The following CBX6 variants were observed in gnomAD, a reference collection of about 807,000 sequenced individuals.
The protein encoded by CBX6 is chromobox 6, also known as chromobox protein homolog 6.
In CBX6, 7 loss-of-function variants were observed where a neutral mutation model predicts 28.4. The ratio of observed to expected loss-of-function variants is 0.25; its 90% CI spans 0.14 to 0.46. CBX6 has a LOEUF of 0.46. Ranked by LOEUF, CBX6 falls within the 20% of genes least tolerant of loss-of-function variation. CBX6 has a pLI of 0.99. For synonymous variants in CBX6, 297 were observed against 273.4 expected (o/e 1.09, Z -0.85); for missense variants, 512 against 606.1 (o/e 0.84, Z 1.63).
At position 38,866,874 on chromosome 22, in the gene CBX6, G is replaced by T; in HGVS notation, c.574C>A (p.Gln192Lys). The T allele has an allele frequency of 6.2e-7, 1 of 1,600,546 alleles. No homozygotes were observed. Among genetic ancestry groups the T allele is most frequent in the South Asian group, 1.1e-5 (1 of 89,800 alleles). ...GGGCGGGCCAGCGCCCCGGCCCCCT[G>T]CCCGGCGCCCCCGCCGCCAGCGCCC... is the stretch of plus-strand genomic sequence containing the variant. ...DKGAGGGGAG[Q>K]GAGALARPKV... The change falls in exon 5 of 5, where the codon CAG becomes AAG. Residue 192 changes from glutamine (Q) to lysine (K), a missense_variant. By Grantham distance (53) the Gln-to-Lys change is moderately conservative. Around this residue, in one of 7 missense-constraint regions of CBX6, gnomAD observed 290 missense variants for 274.1 expected, o/e 1.06. Transcript: ENST00000407418. The surrounding 1 kb of genome is among the most constrained non-coding windows in gnomAD (Gnocchi z 7.5).
At position 38,870,996 on chromosome 22, in the gene CBX6, G is replaced by A. The variant is rs2093180652; in HGVS notation, c.246+484C>T. ...AAATTCAAGTTGGATCCCCAAGAAA[G>A]GAGGGGAGCCATGAAGAACAAATCC... On this transcript the variant is annotated intron_variant, in intron 4 of 4. Transcript: ENST00000407418. This position sits in a 1 kb window ranked among gnomAD's most constrained non-coding sequence, Gnocchi z 4.3. 6.3e-6 allele frequency: 1 copy of A among 159,688 alleles called. No individual in the cohort carries two copies. The highest frequency in any genetic ancestry group is 2.4e-5 in the African/African-American group (1 of 41,616). 9.9% of individuals were successfully genotyped at this position (159,688 alleles called of 1,614,324 possible). A position where few individuals can be genotyped will look rare whatever the true frequency, so the allele number is the denominator to read the frequency against.
In CBX6 at chr22:38,867,185, T is replaced by C. The variant is rs982574884; in HGVS notation, c.263A>G (p.Glu88Gly). ...ATGCACATCACTGATGCGGAGGGCC[T>C]CGGCCTGGGCCCGCGCCTGCGGGCA... is the stretch of plus-strand genomic sequence containing the variant. Reference protein sequence around the residue: ...TFLLKARAQAEALRISDVHFS... With the variant: ...TFLLKARAQAGALRISDVHFS... The change falls in exon 5 of 5, where the codon GAG becomes GGG. Residue 88 changes from glutamate (E) to glycine (G), a missense_variant. Transcript: ENST00000407418. 1.8e-6 allele frequency: 2 copies of C among 1,116,756 alleles called. No individual in the cohort carries two copies. The allele number at this position is 1,116,756 out of a possible 1,614,324, so 69.2% of individuals were successfully genotyped here.
rs2093166199 is a variant in CBX6 at position 38,864,991 on chromosome 22, G to A, written c.*1218C>T. 1 of 152,340 alleles carries A rather than the reference G, an allele frequency of 6.6e-6. No individual in the cohort carries two copies. Among genetic ancestry groups the A allele is most frequent in the African/African-American group, 2.4e-5 (1 of 41,480 alleles). 9.4% of individuals were successfully genotyped at this position (152,340 alleles called of 1,614,324 possible). A position where few individuals can be genotyped will look rare whatever the true frequency, so the allele number is the denominator to read the frequency against. On this transcript the variant is annotated 3_prime_UTR_variant, in exon 5 of 5. Coordinates refer to ENST00000407418, the MANE Select transcript of CBX6 (RefSeq NM_014292.5). Reference sequence around the variant, plus strand: ...TCCCAGGCAGCAGAGGGAAACAGAAGCTGCCCAGGACACGGGAGCCTCCTT... The same window carrying A: ...TCCCAGGCAGCAGAGGGAAACAGAAACTGCCCAGGACACGGGAGCCTCCTT...
rs2093162506 is a variant in CBX6, at chr22:38,863,548, C to G, written c.*2661G>C. On this transcript the variant is annotated 3_prime_UTR_variant, in exon 5 of 5. Transcript: ENST00000407418. ...GAGGGGAGGAAGGAGGCTCCACTCA[C>G]CCTCGGTCCCATCCACTCGGGCCCC... 1 of 152,118 alleles carries G rather than the reference C, an allele frequency of 6.6e-6. No individual in the cohort carries two copies. Among genetic ancestry groups the G allele is most frequent in the Non-Finnish European group, 1.5e-5 (1 of 68,104 alleles). 9.4% of individuals were successfully genotyped at this position (152,118 alleles called of 1,614,324 possible).
chr22:38,867,228 G>GGGGGCC, intron 4 of CBX6, 27 bp from the exon 5 acceptor site: 6 of 518,854 alleles, frequency 1.2e-5, no homozygotes, highest in Non-Finnish European at 1.4e-5. Flanking sequence ...GGGTGGGTGG[G>GGGGGCC]ACCTCAGGAC....
rs2093183566 is a variant in CBX6 at position 38,872,037 on chromosome 22, G to A, written c.69+85C>T. ...GGCGCGGGGCTGGGCGAGGGAGCCGGGCTAGCGGGACCGCTTCGCCCCGAG... is the reference window on the plus strand; with the variant it reads ...GGCGCGGGGCTGGGCGAGGGAGCCGAGCTAGCGGGACCGCTTCGCCCCGAG... On this transcript the variant is annotated intron_variant, in intron 1 of 4. Transcript: ENST00000407418. This position sits in a 1 kb window ranked among gnomAD's most constrained non-coding sequence, Gnocchi z 5.0. 5 of 1,350,980 alleles carry A rather than the reference G, an allele frequency of 3.7e-6. No individual in the cohort carries two copies. The allele number at this position is 1,350,980 out of a possible 1,614,324, so 83.7% of individuals were successfully genotyped here.
At chr22:38,868,517 C>T (rs114510431) in intron 4 of CBX6, among the ~76,000 whole-genome samples, 1,938 of 152,312 alleles carry the variant, frequency 0.013, 45 homozygotes, top group African/African-American at 0.043. Flanking sequence ...GCAGAGAGTC[C>T]TCTGGGCAAG....
chr22:38,870,592 C>T lies in CBX6; in HGVS notation c.246+888G>A, dbSNP rs2093179839. 6.6e-6 allele frequency: 1 copy of T among 152,252 alleles called. No individual in the cohort carries two copies. The highest frequency in any genetic ancestry group is 1.5e-5 in the Non-Finnish European group (1 of 68,052). 9.4% of individuals were successfully genotyped at this position (152,252 alleles called of 1,614,324 possible). ...GAAACCAACATTTCTTTCACTTCTG[C>T]TTCTCTTCTCCGAAAAAGAGTCCTC... On this transcript the variant is annotated intron_variant, in intron 4 of 4. Coordinates refer to ENST00000407418, the MANE Select transcript of CBX6 (RefSeq NM_014292.5). This position sits in a 1 kb window ranked among gnomAD's most constrained non-coding sequence, Gnocchi z 4.3.
Position 38,871,761 on chromosome 22 carries a change from C to T in CBX6, c.114-4G>A, listed in dbSNP as rs756309660. ...CTCGGGCTCCCAAGTGCTGTACCTG[C>T]CGAGTCACAAACGCACAAAATCAGG... is the stretch of plus-strand genomic sequence containing the variant. On this transcript the variant is annotated splice_region_variant and splice_polypyrimidine_tract_variant and intron_variant, in intron 2 of 4. Coordinates refer to ENST00000407418, the MANE Select transcript of CBX6 (RefSeq NM_014292.5). The surrounding 1 kb of genome is among the most constrained non-coding windows in gnomAD (Gnocchi z 5.6). 1 of 1,608,358 alleles carries T rather than the reference C, an allele frequency of 6.2e-7. No homozygotes were observed. The highest frequency in any genetic ancestry group is 1.7e-5 in the Admixed American group (1 of 59,558).
Position 38,866,790 on chromosome 22 carries a change from G to A in CBX6, c.658C>T (p.Leu220=), listed in dbSNP as rs759058441. ...TTCATGTGGCGGATCTGTGTACGCA[G>A]GACGCTCTCGCTGAACTTCTTGCTC... The part of the protein sequence containing the change: ...GKSKKFSESV[L]RTQIRHMKFG... Residue 220 remains leucine (L), a synonymous_variant, in exon 5 of 5, where the codon CTG becomes TTG. Transcript: ENST00000407418. This position sits in a 1 kb window ranked among gnomAD's most constrained non-coding sequence, Gnocchi z 7.5. The A allele has an allele frequency of 3.2e-5, 52 of 1,612,524 alleles. No individual in the cohort carries two copies. The highest frequency in any genetic ancestry group is 3.9e-5 in the Non-Finnish European group (46 of 1,179,460).
At position 38,865,121 on chromosome 22, in the gene CBX6, C is replaced by G. The variant is rs1055001190; in HGVS notation, c.*1088G>C. 2.6e-5 allele frequency: 4 copies of G among 152,336 alleles called. No homozygotes were observed. The highest frequency in any genetic ancestry group is 5.9e-5 in the Non-Finnish European group (4 of 68,114). 9.4% of individuals were successfully genotyped at this position (152,336 alleles called of 1,614,324 possible). ...GGGAATGGATTCTTCAGCATCCTCC[C>G]CAAACACCCGGAGGAAGAGGGAGCT... On this transcript the variant is annotated 3_prime_UTR_variant, in exon 5 of 5. Transcript: ENST00000407418.
Position 38,862,089 on chromosome 22 carries a change from GGTTCCC to G in CBX6, c.*4114_*4119del, listed in dbSNP as rs1258878773. ...CCAGCTACCCGGCCTCCCGCAAGAG[GGTTCCC>G]CCATGAGACCGTTAGTCTCTCTTTG... On this transcript the variant is annotated 3_prime_UTR_variant, in exon 5 of 5. Coordinates refer to ENST00000407418, the MANE Select transcript of CBX6 (RefSeq NM_014292.5). 6.6e-6 allele frequency: 1 copy of G among 152,194 alleles called. No homozygotes were observed. The highest frequency in any genetic ancestry group is 1.5e-5 in the Non-Finnish European group (1 of 68,034). 9.4% of individuals were successfully genotyped at this position (152,194 alleles called of 1,614,324 possible).
intron 4 of CBX6, 27 bp from the exon 5 acceptor site, chr22:38,867,228 G>GGGGGGGGGGGGGGGGGA: frequency 1.9e-6 from 1 of 518,866 alleles, no homozygotes; most frequent in Non-Finnish European, 3.6e-6. Context: ...GGGTGGGTGG[G>GGGGGGGGGGGGGGGGGA]ACCTCAGGAC....
Position 38,867,038 on chromosome 22 carries a change from G to T in CBX6, c.410C>A (p.Pro137Gln). 6.2e-7 allele frequency: 1 copy of T among 1,605,320 alleles called. No homozygotes were observed. The highest frequency in any genetic ancestry group is 8.5e-7 in the Non-Finnish European group (1 of 1,177,290). Residue 137 changes from proline (P) to glutamine (Q), a missense_variant, in exon 5 of 5, where the codon CCG becomes CAG. Around this residue, in one of 7 missense-constraint regions of CBX6, gnomAD observed 123 missense variants for 138.1 expected, o/e 0.89. Coordinates refer to ENST00000407418, the MANE Select transcript of CBX6 (RefSeq NM_014292.5). ...TCCGGGGCTGCCCCCCTGCGGGTCC[G>T]GGCGGGGCAGGGGACGGCGGGACAT... ...HRMSRRPLPR[P>Q]DPQGGSPGLR... is the part of the protein sequence containing the mutation.
At position 38,862,525 on chromosome 22, in the gene CBX6, AAAAAAAAAAAAAAAAAAAAAG is replaced by A. The variant is rs1230597179; in HGVS notation, c.*3663_*3683del. On this transcript the variant is annotated 3_prime_UTR_variant, in exon 5 of 5. Transcript: ENST00000407418. ...TCCTGTGTGGGCGAAGTGCAAAAAAAAAAAAAAAAAAAAAAAAAAAGAAAGAAAGAAAAAAGAAAAACAAAA... is the reference window on the plus strand; with the variant it reads ...TCCTGTGTGGGCGAAGTGCAAAAAAAAAAGAAAGAAAAAAGAAAAACAAAA... The A allele has an allele frequency of 1.4e-5, 2 of 145,384 alleles. No individual in the cohort carries two copies. Among genetic ancestry groups the A allele is most frequent in the Non-Finnish European group, 3.0e-5 (2 of 66,060 alleles). 9.0% of individuals were successfully genotyped at this position (145,384 alleles called of 1,614,324 possible).
At chr22:38,869,053 C>T (rs769762809) in intron 4 of CBX6, among the ~76,000 whole-genome samples, 1 of 152,202 alleles carries the variant, frequency 6.6e-6, no homozygotes, top group East Asian at 1.9e-4. Context: ...CACATGAAGC[C>T]GGGCCTGCCC....
In CBX6 at chr22:38,864,954, G is replaced by C. The variant is rs150246008; in HGVS notation, c.*1255C>G. On this transcript the variant is annotated 3_prime_UTR_variant, in exon 5 of 5. Transcript: ENST00000407418. ...GGGCTGTGGCCTCTGCCACTGGCAC[G>C]GGTGCCTCAGCTCCCAGGCAGCAGA... 1 of 152,320 alleles carries C rather than the reference G, an allele frequency of 6.6e-6. No individual in the cohort carries two copies. Among genetic ancestry groups the C allele is most frequent in the African/African-American group, 2.4e-5 (1 of 41,466 alleles). The allele number at this position is 152,320 out of a possible 1,614,324, so 9.4% of individuals were successfully genotyped here.
At chr22:38,867,228 G>GGGCTGGGGGGGGGGGGGGGGGC in intron 4 of CBX6, 27 bp from the exon 5 acceptor site, 1 of 518,862 alleles carries the variant, frequency 1.9e-6, no homozygotes. Context: ...GGGTGGGTGG[G>GGGCTGGGGGGGGGGGGGGGGGC]ACCTCAGGAC....
chr22:38,862,758 C>T lies in CBX6; in HGVS notation c.*3451G>A, dbSNP rs576067351. The T allele has an allele frequency of 1.3e-5, 2 of 152,428 alleles. No homozygotes were observed. The highest frequency in any genetic ancestry group is 1.3e-4 in the Admixed American group (2 of 15,302). 9.4% of individuals were successfully genotyped at this position (152,428 alleles called of 1,614,324 possible). A position where few individuals can be genotyped will look rare whatever the true frequency, so the allele number is the denominator to read the frequency against. ...GCGGGCCCACCGGCCTGGCTCTCCT[C>T]CAGGACCTCCTGGCTCAGGGGCTCG... On this transcript the variant is annotated 3_prime_UTR_variant, in exon 5 of 5. Coordinates refer to ENST00000407418, the MANE Select transcript of CBX6 (RefSeq NM_014292.5).
Sources: allele counts gnomAD v4.1 joint callset (sites outside exome capture counted in the v4.1 genomes callset), GRCh38; gene constraint gnomAD v4.1.1; regional missense constraint gnomAD v4.1.1; non-coding constraint Gnocchi (gnomAD v3.1); transcripts MANE v1.5; gene names NCBI Gene and HGNC (gene_info 2026-07-23, HGNC 2026-07-21).